Variants in DLX1 observed in about 807,000 individuals in gnomAD.
DLX1 encodes the protein homeobox protein DLX-1.
Under a neutral mutation model 25.0 loss-of-function variants are expected in DLX1, and 7 were observed. That is an observed-to-expected ratio of 0.28 (90% CI 0.16 to 0.52). The LOEUF (loss-of-function observed/expected upper bound fraction) is 0.52. Ranked by LOEUF, DLX1 falls within the 20% of genes least tolerant of loss-of-function variation. The probability of loss-of-function intolerance (pLI) is 0.96; values close to 1 mark genes in which losing one functional copy is unlikely to be tolerated. For synonymous variants in DLX1, 155 were observed against 140.3 expected (o/e 1.10, Z -0.74); for missense variants, 233 against 334.4 (o/e 0.70, Z 2.37).
At chr2:172,087,213 A>G in intron 2 of DLX1, 2 of 448,746 alleles carry the variant, frequency 4.5e-6, no homozygotes, top group South Asian at 1.8e-5. Context: ...AAATTGTGTG[A>G]CTAATCACTC....
At chr2:172,087,607 C>G in intron 2 of DLX1, 1 of 479,404 alleles carries the variant, frequency 2.1e-6, no homozygotes, top group Middle Eastern at 3.1e-4. Context: ...CCACTCCTTC[C>G]TAGGTTTTCG....
chr2:172,087,634 T>C (rs1194735721), intron 2 of DLX1: 1 of 503,962 alleles, frequency 2.0e-6, no homozygotes, highest in Non-Finnish European at 3.9e-6. Context: ...TTTATTGATG[T>C]TGATATTGGA....
In DLX1 at chr2:172,085,752, G is replaced by A; in HGVS notation, c.75G>A (p.Pro25=). The A allele has an allele frequency of 1.2e-6, 2 of 1,614,132 alleles. No individual in the cohort carries two copies. Among genetic ancestry groups the A allele is most frequent in the Non-Finnish European group, 1.7e-6 (2 of 1,180,028 alleles). ...SGKAVFMEFG[P]PNQQMSPSPM... ...AGGCGGTGTTTATGGAGTTTGGGCCGCCCAACCAGCAAATGTCTCCTTCTC... is the reference window on the plus strand; with the variant it reads ...AGGCGGTGTTTATGGAGTTTGGGCCACCCAACCAGCAAATGTCTCCTTCTC... Residue 25 remains proline, a synonymous_variant, in exon 1 of 3, where the codon CCG becomes CCA. Transcript: ENST00000361725. The surrounding 1 kb of genome is among the most constrained non-coding windows in gnomAD (Gnocchi z 4.3).
Position 172,088,128 on chromosome 2 carries a change from G to T in DLX1, c.639G>T (p.Pro213=), listed in dbSNP as rs769293085. 37 of 1,609,012 alleles carry T rather than the reference G, an allele frequency of 2.3e-5. No homozygotes were observed. The East Asian group carries it at 5.6e-4, about 25-fold the overall frequency. The change falls in exon 3 of 3, where the codon CCG becomes CCT. Residue 213 remains proline (P), a synonymous_variant. Coordinates refer to ENST00000361725, the MANE Select transcript of DLX1 (RefSeq NM_178120.5). ...TGTCTGCTGGCTCCCCACCCGTGCCGCCCGGCTGGAACCCTAACTCTTCAT... is the reference window on the plus strand; with the variant it reads ...TGTCTGCTGGCTCCCCACCCGTGCCTCCCGGCTGGAACCCTAACTCTTCAT... The part of the protein sequence containing the change: ...RALSAGSPPV[P]PGWNPNSSSG...
At chr2:172,087,266 C>T in intron 2 of DLX1, 1 of 389,304 alleles carries the variant, frequency 2.6e-6, no homozygotes, top group Non-Finnish European at 5.0e-6. Context: ...CCTCCTCCTT[C>T]TTACCGGTTG....
At position 172,086,578 on chromosome 2, in the gene DLX1, C is replaced by T. The variant is rs374139648; in HGVS notation, c.314-76C>T. 111 of 1,390,344 alleles carry T rather than the reference C, an allele frequency of 8.0e-5. 1 individual carries two copies. The East Asian group carries it at 1.1e-3, about 14-fold the overall frequency. 86.1% of individuals were successfully genotyped at this position (1,390,344 alleles called of 1,614,324 possible). ...TGCTGCCTCCGCCACCCTTCGGTAG[C>T]CACTCGCTCTCGGCTGTTCGCACTA... On this transcript the variant is annotated intron_variant, in intron 1 of 2. Transcript: ENST00000361725.
rs754133482 is a variant in DLX1, at chr2:172,088,068, T to C, written c.579T>C (p.Ala193=). The C allele has an allele frequency of 1.3e-6, 2 of 1,572,748 alleles. No individual in the cohort carries two copies. Among genetic ancestry groups the C allele is most frequent in the South Asian group, 1.2e-5 (1 of 85,926 alleles). The change falls in exon 3 of 3, where the codon GCT becomes GCC. Residue 193 remains alanine (A), a synonymous_variant. Coordinates refer to ENST00000361725, the MANE Select transcript of DLX1 (RefSeq NM_178120.5). ...AGCTGATGAAGCAGGGTGGGGCGGC[T>C]CTGGAGGGTAGTGCGTTGGCCAACG... is the stretch of plus-strand genomic sequence containing the variant. The part of the protein sequence containing the change: ...FKKLMKQGGA[A]LEGSALANGR...
Position 172,088,250 on chromosome 2 carries a change from T to C in DLX1, c.761T>C (p.Leu254Pro), listed in dbSNP as rs1323098440. 2 of 1,482,294 alleles carry C rather than the reference T, an allele frequency of 1.3e-6. No homozygotes were observed. Among genetic ancestry groups the C allele is most frequent in the Non-Finnish European group, 1.8e-6 (2 of 1,109,278 alleles). 91.8% of individuals were successfully genotyped at this position (1,482,294 alleles called of 1,614,324 possible). ...AHQEAMQQPQLM is the reference protein window; with the variant it reads ...AHQEAMQQPQPM ...CAAGAAGCTATGCAGCAACCCCAAC[T>C]TATGTGAGGTTGCCCGCCCGTCTCC... Residue 254 changes from leucine (L) to proline (P), a missense_variant, in exon 3 of 3, where the codon CTT (leucine) becomes CCT (proline). This residue lies in a region of DLX1 where 84 missense variants were observed against 81.8 expected (regional missense o/e 1.03). Coordinates refer to ENST00000361725, the MANE Select transcript of DLX1 (RefSeq NM_178120.5).
intron 2 of DLX1, 48 bp downstream of exon 2, chr2:172,086,901 C>T: frequency 6.3e-7 from 1 of 1,595,640 alleles, no homozygotes; most frequent in Non-Finnish European, 8.6e-7. Context: ...TTTCCGCGGC[C>T]GGCCTGCGCC....
At chr2:172,086,317 C>T (rs554593374) in intron 1 of DLX1, 10 of 472,556 alleles carry the variant, frequency 2.1e-5, no homozygotes, top group African/African-American at 2.0e-4. Flanking sequence ...CAGAAACCCA[C>T]ATGTGCACGT....
intron 1 of DLX1, 51 bp downstream of exon 1, chr2:172,086,041 G>C: frequency 1.5e-6 from 2 of 1,361,858 alleles, no homozygotes; most frequent in South Asian, 1.2e-5. Context: ...AGGGAGAGAG[G>C]GAAAGAAGGA....
intron 2 of DLX1, chr2:172,087,655 C>T (rs1392335963): frequency 1.9e-6 from 1 of 539,348 alleles, no homozygotes; most frequent in African/African-American, 1.9e-5. Context: ...ATTGCTGGCT[C>T]GGTGTTATGC....
At chr2:172,087,024 C>G (rs1370176503) in intron 2 of DLX1, 171 bp downstream of exon 2, 1 of 760,244 alleles carries the variant, frequency 1.3e-6, no homozygotes, top group South Asian at 1.5e-5. Context: ...TTCCCTCTGC[C>G]CTAGCTCTGT....
At position 172,088,513 on chromosome 2, in the gene DLX1, C is replaced by G. The variant is rs568296029; in HGVS notation, c.*256C>G. The G allele has an allele frequency of 5.0e-6, 2 of 400,434 alleles. No homozygotes were observed. Among genetic ancestry groups the G allele is most frequent in the East Asian group, 7.4e-5 (2 of 27,106 alleles). The allele number at this position is 400,434 out of a possible 1,614,324, so 24.8% of individuals were successfully genotyped here. On this transcript the variant is annotated 3_prime_UTR_variant, in exon 3 of 3. Transcript: ENST00000361725. ...GGGAAGCCACTGCCACCTGAGACAG[C>G]CCAAGCAGCAAGATAAACCCGCTCC...
At chr2:172,087,384 G>A (rs895687680) in intron 2 of DLX1, 3 of 401,232 alleles carry the variant, frequency 7.5e-6, no homozygotes, top group African/African-American at 6.2e-5. Flanking sequence ...CGGGGAGCCC[G>A]TGAGCGTTCC....
In DLX1 at chr2:172,088,071, G is replaced by C; in HGVS notation, c.582G>C (p.Leu194=). 1 of 1,579,078 alleles carries C rather than the reference G, an allele frequency of 6.3e-7. No individual in the cohort carries two copies. Among genetic ancestry groups the C allele is most frequent in the Non-Finnish European group, 8.6e-7 (1 of 1,163,042 alleles). Residue 194 remains leucine, a synonymous_variant, in exon 3 of 3, where the codon CTG becomes CTC. Transcript: ENST00000361725. Reference sequence around the variant, plus strand: ...TGATGAAGCAGGGTGGGGCGGCTCTGGAGGGTAGTGCGTTGGCCAACGGTC... The same window carrying C: ...TGATGAAGCAGGGTGGGGCGGCTCTCGAGGGTAGTGCGTTGGCCAACGGTC... The part of the protein sequence containing the change: ...KKLMKQGGAA[L]EGSALANGRA...
Position 172,088,517 on chromosome 2 carries a change from A to G in DLX1, c.*260A>G, listed in dbSNP as rs1211395012. ...AGCCACTGCCACCTGAGACAGCCCA[A>G]GCAGCAAGATAAACCCGCTCCACCC... On this transcript the variant is annotated 3_prime_UTR_variant, in exon 3 of 3. Transcript: ENST00000361725. 1 of 398,062 alleles carries G rather than the reference A, an allele frequency of 2.5e-6. No homozygotes were observed. The allele number at this position is 398,062 out of a possible 1,614,324, so 24.7% of individuals were successfully genotyped here. A position where few individuals can be genotyped will look rare whatever the true frequency, so the allele number is the denominator to read the frequency against.
rs759519725 is a variant in DLX1, at chr2:172,088,150, T to G, written c.661T>G (p.Ser221Ala). ...GCCGCCCGGCTGGAACCCTAACTCT[T>G]CATCCGGGAAGGGCTCAGGAGGAAA... ...PVPPGWNPNS[S>A]SGKGSGGNAG... The change falls in exon 3 of 3, where the codon TCA becomes GCA. Residue 221 changes from serine to alanine, a missense_variant. Around this residue, in one of 3 missense-constraint regions of DLX1, gnomAD observed 84 missense variants for 81.8 expected, o/e 1.03. Transcript: ENST00000361725. 3 of 1,610,778 alleles carry G rather than the reference T, an allele frequency of 1.9e-6. No individual in the cohort carries two copies. Among genetic ancestry groups the G allele is most frequent in the Non-Finnish European group, 2.5e-6 (3 of 1,178,426 alleles).
In DLX1 at chr2:172,088,324, C is replaced by G; in HGVS notation, c.*67C>G. The stretch of plus-strand genomic sequence containing the variant: ...CCTCCCGCCTCCAGGTCCATCCATC[C>G]CGTCCGGAAAAGAAGGACCCAGAGG... On this transcript the variant is annotated 3_prime_UTR_variant, in exon 3 of 3. Coordinates refer to ENST00000361725, the MANE Select transcript of DLX1 (RefSeq NM_178120.5). 1.4e-6 allele frequency: 2 copies of G among 1,408,342 alleles called. No individual in the cohort carries two copies. The highest frequency in any genetic ancestry group is 1.5e-5 in the African/African-American group (1 of 67,326). 87.2% of individuals were successfully genotyped at this position (1,408,342 alleles called of 1,614,324 possible). A position where few individuals can be genotyped will look rare whatever the true frequency, so the allele number is the denominator to read the frequency against.
Sources: gnomAD v4.1 joint callset for allele counts on GRCh38, gnomAD v4.1.1 for gene constraint, gnomAD v4.1.1 regional missense constraint, Gnocchi (gnomAD v3.1) non-coding constraint, MANE v1.5 for transcripts, NCBI Gene and HGNC (gene_info 2026-07-23, HGNC 2026-07-21) for gene names.